DCAF6: variants seen among roughly 807,000 people sequenced by gnomAD.
DCAF6 encodes DDB1- and CUL4-associated factor 6.
Under a neutral mutation model 125.1 loss-of-function variants are expected in DCAF6, and 54 were observed. The observed-to-expected ratio is 0.43, with a 90% CI of 0.35 to 0.54. DCAF6 has a LOEUF of 0.54. Ranked by LOEUF, DCAF6 falls within the 20% of genes least tolerant of loss-of-function variation. The pLI is 0.01. For synonymous variants in DCAF6, 371 were observed against 390.4 expected (o/e 0.95, Z 0.58); for missense variants, 934 against 1,161.7 (o/e 0.80, Z 2.85).
In DCAF6 at chr1:167,993,369, T is replaced by C. The variant is rs774565385; in HGVS notation, c.832T>C (p.Tyr278His). Reference protein sequence around the residue: ...ILVSYSSDYIYLFDPKDDTAR... With the variant: ...ILVSYSSDYIHLFDPKDDTAR... ...CGTTAGTTACTCTTCAGATTACATATATCTTTTTGACCCGAAAGATGATAC... is the reference window on the plus strand; with the variant it reads ...CGTTAGTTACTCTTCAGATTACATACATCTTTTTGACCCGAAAGATGATAC... The change falls in exon 7 of 22, where the codon TAT becomes CAT. Residue 278 changes from tyrosine to histidine, a missense_variant. By Grantham distance (83) the Tyr-to-His change is moderately conservative (BLOSUM62 2). Transcript: ENST00000367840. The C allele has an allele frequency of 8.1e-6, 13 of 1,613,830 alleles. No homozygotes were observed. The highest frequency in any genetic ancestry group is 1.7e-5 in the Admixed American group (1 of 59,974).
At chr1:167,935,976 C>T (rs2102571489), upstream of DCAF6, 2 of 690,102 alleles carry the variant, frequency 2.9e-6, no homozygotes, top group Non-Finnish European at 5.0e-6. Context: ...ACCCTTCCCG[C>T]GGCTTTCCCT....
intron 3 of DCAF6, among the ~76,000 whole-genome samples, chr1:167,968,744 G>A (rs74120583): frequency 0.031 from 4,754 of 152,238 alleles, 240 homozygotes; most frequent in African/African-American, 0.1. Context: ...AGCAAACTCC[G>A]TTTTCCTGCA....
At chr1:168,069,875 A>T (rs776501149) in intron 21 of DCAF6, among the ~76,000 whole-genome samples, 3 of 152,208 alleles carry the variant, frequency 2.0e-5, no homozygotes, top group Admixed American at 2.0e-4. Context: ...ATTTTGTTCA[A>T]TAACAGCAAG....
chr1:167,893,304 T>A, the DCAF6 span, among the ~76,000 whole-genome samples: 1 of 152,238 alleles, frequency 6.6e-6, no homozygotes, highest in Non-Finnish European at 1.5e-5. Context: ...TGCGCAATTA[T>A]ATAAGGCAAC....
chr1:167,935,866 C>A (rs1671142637), upstream of DCAF6: 2 of 1,524,230 alleles, frequency 1.3e-6, no homozygotes, highest in African/African-American at 2.8e-5. Context: ...CGTTGGCAGC[C>A]GGGTGGGAGC....
Position 168,055,055 on chromosome 1 carries a change from AT to A in DCAF6, c.2300+4123del, listed in dbSNP as rs535263150. 1.8e-4 allele frequency among the ~76,000 whole-genome samples: 28 copies of A among 152,292 alleles called. No homozygotes were observed. In the East Asian group the frequency reaches 5.2e-3, roughly 28 times the overall value. On this transcript the variant is annotated intron_variant, in intron 17 of 21. Coordinates refer to ENST00000367840, the MANE Select transcript of DCAF6 (RefSeq NM_001198956.2). Reference sequence around the variant, plus strand: ...AAGAACAGTGGTATTCAGAATTATAATGAGCATTTCCAATGAACCATAAATA... The same window carrying A: ...AAGAACAGTGGTATTCAGAATTATAAGAGCATTTCCAATGAACCATAAATA...
chr1:167,997,821 G>A (rs1681970109), intron 7 of DCAF6, among the ~76,000 whole-genome samples: 1 of 152,076 alleles, frequency 6.6e-6, no homozygotes, highest in Non-Finnish European at 1.5e-5. Context: ...TTAAAAATAG[G>A]TAAAGGATTT....
chr1:167,962,411 T>G (rs192668716), intron 2 of DCAF6, among the ~76,000 whole-genome samples: 30 of 152,276 alleles, frequency 2.0e-4, no homozygotes, highest in African/African-American at 7.0e-4. Flanking sequence ...GAAACTATGT[T>G]GTCTTGGGGA....
intron 4 of DCAF6, among the ~76,000 whole-genome samples, chr1:167,976,629 A>G (rs1304347802): frequency 6.6e-6 from 1 of 152,150 alleles, no homozygotes; most frequent in African/African-American, 2.4e-5. Context: ...AACAAAGCCA[A>G]ATATCAGTAA....
chr1:167,878,779 C>T, the DCAF6 span: 1 of 809,230 alleles, frequency 1.2e-6, no homozygotes, highest in South Asian at 1.6e-5. Context: ...GTCTCAAGAC[C>T]CATATTCAGC....
intron 1 of DCAF6, among the ~76,000 whole-genome samples, chr1:167,937,946 T>C (rs546408886): frequency 1.3e-5 from 2 of 152,352 alleles, no homozygotes; most frequent in East Asian, 3.9e-4. Context: ...AAAAAGTGTT[T>C]GTTGCTCTCA....
the DCAF6 span, among the ~76,000 whole-genome samples, chr1:167,867,065 A>G: frequency 2.0e-5 from 3 of 152,234 alleles, no homozygotes; most frequent in African/African-American, 4.8e-5. Context: ...TGCTCTGTGA[A>G]AATCCCCACA....
chr1:167,924,400 A>C, the DCAF6 span: 5 of 982,040 alleles, frequency 5.1e-6, no homozygotes, highest in African/African-American at 8.5e-5. Context: ...TACCAAGAAT[A>C]CTCTAAAGTA....
At chr1:167,949,707 A>G (rs542433135) in intron 1 of DCAF6, among the ~76,000 whole-genome samples, 2 of 152,266 alleles carry the variant, frequency 1.3e-5, no homozygotes, top group South Asian at 4.1e-4. Flanking sequence ...AGCATCCAAG[A>G]AAGGTAGCAG....
In DCAF6 at chr1:167,993,578, C is replaced by T. The variant is rs144141339; in HGVS notation, c.903+138C>T. 4,141 of 639,614 alleles carry T rather than the reference C, an allele frequency of 6.5e-3. 80 individuals are homozygous for T. The highest frequency in any genetic ancestry group is 0.054 in the East Asian group (1,921 of 35,882). 39.6% of individuals were successfully genotyped at this position (639,614 alleles called of 1,614,324 possible). On this transcript the variant is annotated intron_variant, in intron 7 of 21. Transcript: ENST00000367840. ...CAGCCTGACCAACATGGAGAAACCC[C>T]GTCTTTACTAAAAACACAAAATTAG...
chr1:167,912,725 CAT>C, the DCAF6 span, among the ~76,000 whole-genome samples: 5 of 152,216 alleles, frequency 3.3e-5, no homozygotes, highest in Non-Finnish European at 7.3e-5. Context: ...AATCACTCCA[CAT>C]GTGTCTGTGT....
At chr1:167,919,298 G>A in the DCAF6 span, among the ~76,000 whole-genome samples, 1 of 151,984 alleles carries the variant, frequency 6.6e-6, no homozygotes, top group Non-Finnish European at 1.5e-5. Flanking sequence ...ACCATACCTT[G>A]GGCTTCATTT....
chr1:167,907,091 A>G, the DCAF6 span, among the ~76,000 whole-genome samples: 9 of 152,348 alleles, frequency 5.9e-5, no homozygotes, highest in Middle Eastern at 0.01. Context: ...AATAAATTCT[A>G]GCTAGTCCCA....
chr1:167,922,774 C>A, the DCAF6 span, among the ~76,000 whole-genome samples: 1 of 152,130 alleles, frequency 6.6e-6, no homozygotes, highest in Non-Finnish European at 1.5e-5. Flanking sequence ...CTTGAATTTA[C>A]AACTGAGTTT....
Sources: gnomAD v4.1 joint callset for allele counts (sites outside exome capture counted in the v4.1 genomes callset) on GRCh38, gnomAD v4.1.1 for gene constraint, MANE v1.5 for transcripts, NCBI Gene and HGNC (gene_info 2026-07-23, HGNC 2026-07-21) for gene names.